Variants in PIK3C2G observed in about 807,000 individuals in gnomAD.
PIK3C2G encodes the protein phosphatidylinositol 3-kinase C2 domain-containing subunit gamma.
In PIK3C2G, 168 loss-of-function variants were observed where a neutral mutation model predicts 181.1. That is an observed-to-expected ratio of 0.93 (90% CI 0.82 to 1.05). The LOEUF (loss-of-function observed/expected upper bound fraction) is 1.05, where lower values mean the gene tolerates loss of function less well. Among genes scored for constraint, PIK3C2G ranks in the 50% least tolerant of loss-of-function variants. The probability of loss-of-function intolerance (pLI) is 0.00; values close to 1 mark genes in which losing one functional copy is unlikely to be tolerated. For synonymous variants in PIK3C2G, 573 were observed against 592.2 expected, an observed-to-expected ratio of 0.97 and a Z score of 0.47; for missense variants, 1,869 against 1,732.8, an observed-to-expected ratio of 1.08 and a Z score of -1.40.
intron 1 of PIK3C2G, among the ~76,000 whole-genome samples, chr12:18,277,830 GT>G (rs759163768): frequency 4.6e-5 from 7 of 152,056 alleles, no homozygotes; most frequent in Non-Finnish European, 1.0e-4. Context: ...TCGAAATTTT[GT>G]CTATACTTTC....
chr12:18,358,489 C>T (rs923264364), intron 11 of PIK3C2G: 1 of 262,260 alleles, frequency 3.8e-6, no homozygotes, highest in Non-Finnish European at 7.6e-6. Flanking sequence ...AAATTTGACT[C>T]TCAGGACCCA....
intron 18 of PIK3C2G, among the ~76,000 whole-genome samples, chr12:18,480,957 G>A (rs914135463): frequency 5.9e-5 from 9 of 151,310 alleles, no homozygotes; most frequent in East Asian, 5.8e-4. Context: ...TTTTTGAGAC[G>A]GAGTCTCACT....
At chr12:18,660,405 TC>T in the PIK3C2G span, among the ~76,000 whole-genome samples, 4 of 152,136 alleles carry the variant, frequency 2.6e-5, no homozygotes, top group Non-Finnish European at 5.9e-5. Context: ...TGCAAGCCCT[TC>T]CCTCTCCAGC....
At chr12:18,301,238 G>A (rs1950163300) in intron 5 of PIK3C2G, among the ~76,000 whole-genome samples, 1 of 152,030 alleles carries the variant, frequency 6.6e-6, no homozygotes, top group South Asian at 2.1e-4. Flanking sequence ...CCTATATATA[G>A]ATTTCTAAAT....
intron 31 of PIK3C2G, among the ~76,000 whole-genome samples, chr12:18,631,897 C>A (rs1949367564): frequency 6.6e-6 from 1 of 152,156 alleles, no homozygotes; most frequent in Admixed American, 6.6e-5. Context: ...GAAATATTCA[C>A]AGATCTCTAG....
chr12:18,688,173 T>C, the PIK3C2G span: 1 of 1,610,824 alleles, frequency 6.2e-7, no homozygotes, highest in South Asian at 1.1e-5. Context: ...GAATCACCTT[T>C]GTTAGATGAT....
the PIK3C2G span, among the ~76,000 whole-genome samples, chr12:18,710,775 A>G: frequency 2.0e-5 from 3 of 152,200 alleles, no homozygotes; most frequent in Non-Finnish European, 4.4e-5. Context: ...CAAAAAACAC[A>G]TGAAAAAATG....
intron 24 of PIK3C2G, among the ~76,000 whole-genome samples, chr12:18,519,286 T>C (rs956890567): frequency 6.6e-6 from 1 of 152,202 alleles, no homozygotes; most frequent in African/African-American, 2.4e-5. Flanking sequence ...AATATCCTTG[T>C]TAATTTTCTG....
chr12:18,545,098 CA>C (rs1384630675), intron 25 of PIK3C2G, among the ~76,000 whole-genome samples: 2 of 151,760 alleles, frequency 1.3e-5, no homozygotes, highest in African/African-American at 2.4e-5. Context: ...GGATAGAGTA[CA>C]AAATCCTTAA....
Position 18,488,535 on chromosome 12 carries a change from C to G in PIK3C2G, c.2591C>G (p.Ala864Gly), listed in dbSNP as rs1940267486. 5 of 1,591,320 alleles carry G rather than the reference C, an allele frequency of 3.1e-6. No individual in the cohort carries two copies. The highest frequency in any genetic ancestry group is 1.7e-4 in the Middle Eastern group (1 of 6,010). Residue 864 changes from alanine (A) to glycine (G), a missense_variant, in exon 19 of 33, where the codon GCC becomes GGC. By Grantham distance (60) the Ala-to-Gly change is moderately conservative. Coordinates refer to ENST00000538779, the MANE Select transcript of PIK3C2G (RefSeq NM_001288772.2). The part of the protein sequence containing the change: ...LAALQFCAGK[A>G]LNDEFSKEQK... Reference sequence around the variant, plus strand: ...GCTCTCCAATTCTGTGCAGGTAAAGCCTTGAATGATGAGTTTTCCAAGGAG... The same window carrying G: ...GCTCTCCAATTCTGTGCAGGTAAAGGCTTGAATGATGAGTTTTCCAAGGAG...
At chr12:18,257,866 T>C (rs1011816811), upstream of PIK3C2G, among the ~76,000 whole-genome samples, 3 of 148,726 alleles carry the variant, frequency 2.0e-5, no homozygotes, top group East Asian at 3.9e-4. Flanking sequence ...AGAAAGAAGA[T>C]AGAAAAAGAA....
At chr12:18,455,448 A>C (rs1947575697) in intron 18 of PIK3C2G, among the ~76,000 whole-genome samples, 1 of 152,142 alleles carries the variant, frequency 6.6e-6, no homozygotes, top group Non-Finnish European at 1.5e-5. Flanking sequence ...TTTGGTGTTT[A>C]AAATTTTATT....
chr12:18,427,826 G>A (rs2135740888), intron 18 of PIK3C2G, among the ~76,000 whole-genome samples: 1 of 151,940 alleles, frequency 6.6e-6, no homozygotes, highest in African/African-American at 2.4e-5. Context: ...GATTCAAGGA[G>A]AAACTAAGAA....
chr12:18,717,638 G>C, the PIK3C2G span, among the ~76,000 whole-genome samples: 1 of 152,026 alleles, frequency 6.6e-6, no homozygotes, highest in Non-Finnish European at 1.5e-5. Context: ...CTTGCATGTT[G>C]CCTCAAACCC....
intron 30 of PIK3C2G, chr12:18,607,104 T>C: frequency 4.2e-6 from 2 of 478,302 alleles, no homozygotes; most frequent in Non-Finnish European, 8.3e-6. Flanking sequence ...CATTTCACGA[T>C]AAGGGCTGTG....
At chr12:18,315,729 C>T (rs372920569) in intron 6 of PIK3C2G, among the ~76,000 whole-genome samples, 27 of 152,198 alleles carry the variant, frequency 1.8e-4, no homozygotes, top group African/African-American at 2.9e-4. Context: ...ATGAAACTGA[C>T]GAGCAGAGAA....
chr12:18,251,627 C>T (rs941752522), intron 1 of PIK3C2G, among the ~76,000 whole-genome samples: 1 of 152,024 alleles, frequency 6.6e-6, no homozygotes, highest in African/African-American at 2.4e-5. Flanking sequence ...AGATCCATCA[C>T]TTAAAATTTG....
At chr12:18,599,334 T>A (rs1444718132) in intron 30 of PIK3C2G, among the ~76,000 whole-genome samples, 6 of 152,284 alleles carry the variant, frequency 3.9e-5, no homozygotes, top group East Asian at 1.9e-4. Context: ...AATGATGAGT[T>A]CATGTCCTTT....
At chr12:18,428,288 T>C (rs915707909) in intron 18 of PIK3C2G, among the ~76,000 whole-genome samples, 2 of 148,604 alleles carry the variant, frequency 1.3e-5, no homozygotes, top group African/African-American at 5.0e-5. Context: ...TCACGATTCA[T>C]GAAAAAAAAA....
Sources: gnomAD v4.1 joint callset for allele counts (sites outside exome capture counted in the v4.1 genomes callset) on GRCh38, gnomAD v4.1.1 for gene constraint, MANE v1.5 for transcripts, NCBI Gene and HGNC (gene_info 2026-07-23, HGNC 2026-07-21) for gene names.